The following ZNF544 variants were observed in gnomAD, a reference collection of about 807,000 sequenced individuals.
ZNF544 encodes zinc finger protein 544.
Under a neutral mutation model 13.5 loss-of-function variants are expected in ZNF544, and 10 were observed. The ratio of observed to expected loss-of-function variants is 0.74; its 90% CI spans 0.46 to 1.25. The LOEUF is 1.25. ZNF544 is among the 50% of genes most tolerant of loss of function. The pLI, the probability that ZNF544 is intolerant of heterozygous loss-of-function variation, is 0.00. For synonymous variants in ZNF544, 323 were observed against 300.5 expected (o/e 1.07, Z -0.77); for missense variants, 896 against 845.6 (o/e 1.06, Z -0.74).
Position 58,263,479 on chromosome 19 carries a change from G to C in ZNF544, c.*725G>C. ...TCTAAATAAATAATAACCAAGATGG[G>C]AAATTTCCCTGCCAGACCTTGTTTA... On this transcript the variant is annotated 3_prime_UTR_variant, in exon 7 of 7. Transcript: ENST00000687789. 1 of 985,310 alleles carries C rather than the reference G, an allele frequency of 1.0e-6. No individual in the cohort carries two copies. The highest frequency in any genetic ancestry group is 1.1e-4 in the East Asian group (1 of 8,810). The allele number at this position is 985,310 out of a possible 1,614,324, so 61.0% of individuals were successfully genotyped here. A position where few individuals can be genotyped will look rare whatever the true frequency, so the allele number is the denominator to read the frequency against.
At chr19:58,274,443 G>A (rs116748155) in intron 5 of ZNF544, among the ~76,000 whole-genome samples, 1,612 of 152,228 alleles carry the variant, frequency 0.011, 21 homozygotes, top group African/African-American at 0.036. Flanking sequence ...TACAAGCCAA[G>A]GAATGCCAGA....
At chr19:58,248,209 G>C (rs936853769) in intron 6 of ZNF544, among the ~76,000 whole-genome samples, 1 of 150,120 alleles carries the variant, frequency 6.7e-6, no homozygotes, top group Non-Finnish European at 1.5e-5. Flanking sequence ...ACTACCCCTT[G>C]CCCTTGAGGC....
At chr19:58,258,570 C>CCGGG (rs2048187366) in intron 6 of ZNF544, 1 of 47,066 alleles carries the variant, frequency 2.1e-5, no homozygotes, top group Admixed American at 2.3e-4. Context: ...TGTGAGGGTG[C>CCGGG]TGGGTGTGAG....
At position 58,261,148 on chromosome 19, in the gene ZNF544, G is replaced by C. The variant is rs777520742; in HGVS notation, c.542G>C (p.Ser181Thr). ...CTTCTACCTACAACATTACCTACAA[G>C]TACAGGTTTCCCTAAGCCCAACTCA... Reference protein sequence around the residue: ...LSLLPTTLPTSTGFPKPNSQV... With the variant: ...LSLLPTTLPTTTGFPKPNSQV... Residue 181 changes from serine to threonine, a missense_variant, in exon 7 of 7, where the codon AGT becomes ACT. Coordinates refer to ENST00000687789, the MANE Select transcript of ZNF544 (RefSeq NM_014480.4). 6 of 1,613,994 alleles carry C rather than the reference G, an allele frequency of 3.7e-6. No individual in the cohort carries two copies. Among genetic ancestry groups the C allele is most frequent in the Non-Finnish European group, 5.1e-6 (6 of 1,180,036 alleles).
At chr19:58,266,566 A>G (rs1411022829), downstream of ZNF544, 1 of 151,894 alleles carries the variant, frequency 6.6e-6, no homozygotes, top group Non-Finnish European at 1.5e-5. Context: ...ATAGCGAAAC[A>G]TACAGAATGA....
intron 3 of ZNF544, chr19:58,242,445 G>T (rs544650741): frequency 7.1e-5 from 14 of 196,214 alleles, no homozygotes; most frequent in Admixed American, 2.6e-4. Context: ...TTCAAACCTG[G>T]GAGAATGATA....
intron 6 of ZNF544, among the ~76,000 whole-genome samples, chr19:58,251,891 G>A (rs1266207104): frequency 1.3e-5 from 2 of 152,136 alleles, no homozygotes; most frequent in Admixed American, 6.5e-5. Flanking sequence ...AATAATAGTT[G>A]ATTCTGAGAA....
intron 3 of ZNF544, among the ~76,000 whole-genome samples, chr19:58,232,527 T>G (rs2041485373): frequency 6.6e-6 from 1 of 151,742 alleles, no homozygotes. Context: ...ACTTTTTGAT[T>G]TTTTTGTAGA....
intron 3 of ZNF544, among the ~76,000 whole-genome samples, chr19:58,237,641 C>G (rs2042712371): frequency 6.6e-6 from 1 of 152,222 alleles, no homozygotes; most frequent in African/African-American, 2.4e-5. Context: ...TTTTTCCCCA[C>G]TCATCCATGG....
downstream of ZNF544, among the ~76,000 whole-genome samples, chr19:58,266,278 G>A (rs981211876): frequency 6.8e-6 from 1 of 147,046 alleles, no homozygotes; most frequent in African/African-American, 2.5e-5. Flanking sequence ...CGACACTTTG[G>A]GAGGCCAAGG....
chr19:58,275,581 G>A (rs1039598401), intron 5 of ZNF544, among the ~76,000 whole-genome samples: 2 of 151,872 alleles, frequency 1.3e-5, no homozygotes, highest in Non-Finnish European at 2.9e-5. Flanking sequence ...GGCCAAGGCG[G>A]ATGGACTGCT....
intron 5 of ZNF544, among the ~76,000 whole-genome samples, chr19:58,272,118 C>A (rs979981940): frequency 1.3e-5 from 2 of 151,320 alleles, no homozygotes; most frequent in African/African-American, 4.9e-5. Flanking sequence ...CCGAGATTGC[C>A]CCACTACACT....
chr19:58,252,297 A>C (rs1471842808), intron 6 of ZNF544, among the ~76,000 whole-genome samples: 1 of 152,160 alleles, frequency 6.6e-6, no homozygotes, highest in East Asian at 1.9e-4. Flanking sequence ...TTTTACATGA[A>C]TCCTTTTCAC....
chr19:58,256,308 G>T (rs567260763), intron 6 of ZNF544, among the ~76,000 whole-genome samples: 2 of 150,906 alleles, frequency 1.3e-5, no homozygotes, highest in South Asian at 2.1e-4. Context: ...GAGTCTTGTT[G>T]TACCCAAGCG....
chr19:58,239,504 T>A (rs1781638434), intron 3 of ZNF544, among the ~76,000 whole-genome samples: 2 of 152,336 alleles, frequency 1.3e-5, no homozygotes, highest in Admixed American at 1.3e-4. Context: ...GTTCACTGTG[T>A]GCGGGTCCTT....
Position 58,237,212 on chromosome 19 carries a change from C to T in ZNF544, c.-60+6750C>T, listed in dbSNP as rs150304046. ...CCAGGTAGCTGGGACTACAGGTGTG[C>T]GCCACCACACCTGGCTAATTTTTGT... On this transcript the variant is annotated intron_variant, in intron 3 of 6. Transcript: ENST00000687789. 2.8e-3 allele frequency among the ~76,000 whole-genome samples: 420 copies of T among 151,840 alleles called. 1 individual carries two copies. Among genetic ancestry groups the T allele is most frequent in the African/African-American group, 9.5e-3 (395 of 41,402 alleles).
chr19:58,237,122 C>T (rs145947858), intron 3 of ZNF544, among the ~76,000 whole-genome samples: 99 of 146,100 alleles, frequency 6.8e-4, no homozygotes, highest in East Asian at 3.9e-3. Context: ...TGGAGTGCAG[C>T]GGTGTGATCT....
intron 6 of ZNF544, chr19:58,258,543 G>A (rs1297036604): frequency 4.2e-5 from 3 of 70,752 alleles, no homozygotes; most frequent in African/African-American, 4.7e-5. Context: ...GAGGGTGCTG[G>A]GTGTGAGGGC....
In ZNF544 at chr19:58,263,440, A is replaced by G; in HGVS notation, c.*686A>G. The stretch of plus-strand genomic sequence containing the variant: ...CATGCCATCACACCGCTGCCTTGTG[A>G]GAGATTGAGACACTCTAAATAAATA... On this transcript the variant is annotated 3_prime_UTR_variant, in exon 7 of 7. Coordinates refer to ENST00000687789, the MANE Select transcript of ZNF544 (RefSeq NM_014480.4). 1.0e-6 allele frequency: 1 copy of G among 985,234 alleles called. No homozygotes were observed. The highest frequency in any genetic ancestry group is 1.2e-6 in the Non-Finnish European group (1 of 829,912). The allele number at this position is 985,234 out of a possible 1,614,324, so 61.0% of individuals were successfully genotyped here.
Sources: gnomAD v4.1 joint callset for allele counts (sites outside exome capture counted in the v4.1 genomes callset) on GRCh38, gnomAD v4.1.1 for gene constraint, MANE v1.5 for transcripts, NCBI Gene and HGNC (gene_info 2026-07-23, HGNC 2026-07-21) for gene names.